The following NFIX variants were observed in gnomAD, a reference collection of about 807,000 sequenced individuals.
NFIX encodes the protein nuclear factor 1 X-type.
NFIX carries 2 observed loss-of-function variants against 53.3 expected under a neutral mutation model. That is an observed-to-expected ratio of 0.04 (90% CI 0.02 to 0.12). The LOEUF is 0.12. Among genes scored for constraint, NFIX ranks in the 10% least tolerant of loss-of-function variants. NFIX has a pLI of 1.00. For missense variants in NFIX, 310 were observed against 674.5 expected (o/e 0.46, Z 5.99); for synonymous variants, 244 against 289.0 (o/e 0.84, Z 1.58).
chr19:13,083,963 G>C lies in NFIX; in HGVS notation c.1254+2108G>C, dbSNP rs536774441. On this transcript the variant is annotated intron_variant, in intron 8 of 10. Transcript: ENST00000592199. Reference sequence around the variant, plus strand: ...CTTCTCAGACTTGGCATGCGCGAGAGTCAACTAGAGCCCTGGCTAACACAC... The same window carrying C: ...CTTCTCAGACTTGGCATGCGCGAGACTCAACTAGAGCCCTGGCTAACACAC... 1.1e-3 allele frequency among the ~76,000 whole-genome samples: 168 copies of C among 152,364 alleles called. 1 individual carries two copies. Among genetic ancestry groups the C allele is most frequent in the African/African-American group, 3.2e-3 (133 of 41,590 alleles).
chr19:13,018,098 T>G (rs2012762071), intron 1 of NFIX, among the ~76,000 whole-genome samples: 1 of 152,184 alleles, frequency 6.6e-6, no homozygotes, highest in Admixed American at 6.5e-5. Flanking sequence ...AAGAGTAGGA[T>G]TTTTGTTTCC....
At chr19:13,026,199 G>A (rs1433096139) in intron 2 of NFIX, among the ~76,000 whole-genome samples, 2 of 152,048 alleles carry the variant, frequency 1.3e-5, no homozygotes, top group Admixed American at 6.5e-5. Context: ...CATAGAGAGT[G>A]AAAACAAGGA....
At position 12,995,769 on chromosome 19, in the gene NFIX, C is replaced by G. The variant is rs1270738913; in HGVS notation, c.-69C>G. The G allele has an allele frequency of 2.9e-6, 2 of 700,104 alleles. No individual in the cohort carries two copies. Among genetic ancestry groups the G allele is most frequent in the South Asian group, 6.2e-5 (1 of 16,042 alleles). The allele number at this position is 700,104 out of a possible 1,614,324, so 43.4% of individuals were successfully genotyped here. ...AGCCGAGCCGGAGCCCGAGCCCGAG[C>G]GCGGCCGCCGCCTGCCGGGCCTCCC... is the stretch of plus-strand genomic sequence containing the variant. On this transcript the variant is annotated 5_prime_UTR_variant, in exon 1 of 11. Coordinates refer to ENST00000592199, the MANE Select transcript of NFIX (RefSeq NM_001365902.3).
At chr19:13,029,982 G>C (rs187331511) in intron 2 of NFIX, among the ~76,000 whole-genome samples, 1 of 152,160 alleles carries the variant, frequency 6.6e-6, no homozygotes, top group Non-Finnish European at 1.5e-5. Flanking sequence ...TGCCCAACCC[G>C]ACTGTTGGCT....
chr19:13,024,532 C>T, intron 1 of NFIX: 1 of 1,525,780 alleles, frequency 6.6e-7, no homozygotes, highest in Non-Finnish European at 8.8e-7. Flanking sequence ...TGTCGGGGAC[C>T]AGAGGCGGCC....
At chr19:13,026,258 A>G (rs1265506543) in intron 2 of NFIX, among the ~76,000 whole-genome samples, 1 of 152,086 alleles carries the variant, frequency 6.6e-6, no homozygotes, top group Non-Finnish European at 1.5e-5. Flanking sequence ...CTAAAGTGGC[A>G]AGGCCTCAGG....
intron 1 of NFIX, among the ~76,000 whole-genome samples, chr19:13,015,603 C>T (rs1426340519): frequency 6.6e-6 from 1 of 152,212 alleles, no homozygotes; most frequent in Non-Finnish European, 1.5e-5. Flanking sequence ...CTGAGGCCCC[C>T]CATTCCCTGC....
At chr19:13,059,447 T>TA (rs2015919401) in intron 2 of NFIX, among the ~76,000 whole-genome samples, 1 of 152,196 alleles carries the variant, frequency 6.6e-6, no homozygotes, top group Admixed American at 6.5e-5. Context: ...GGTTAGGGCC[T>TA]CCTGAGGAGG....
intron 1 of NFIX, among the ~76,000 whole-genome samples, chr19:12,999,856 G>C (rs1310785445): frequency 1.3e-5 from 2 of 152,350 alleles, no homozygotes; most frequent in African/African-American, 4.8e-5. Flanking sequence ...CTGGTGCCCT[G>C]TTTTCATGGC....
rs1429666669 is a variant in NFIX, at chr19:13,052,280, G to C, written c.560-20767G>C. Among the ~76,000 whole-genome samples the C allele has an allele frequency of 6.6e-6, 1 of 152,158 alleles. No individual in the cohort carries two copies. Among genetic ancestry groups the C allele is most frequent in the Non-Finnish European group, 1.5e-5 (1 of 68,024 alleles). ...TGCCTCTGCCAGCTGCTGCCTCTCT[G>C]AGATGTGCTCTTTTGTCTCCAGGAA... On this transcript the variant is annotated intron_variant, in intron 2 of 10. Coordinates refer to ENST00000592199, the MANE Select transcript of NFIX (RefSeq NM_001365902.3). This position sits in a 1 kb window ranked among gnomAD's most constrained non-coding sequence, Gnocchi z 5.2.
intron 2 of NFIX, chr19:13,070,507 G>T (rs1162334941): frequency 6.5e-6 from 1 of 152,690 alleles, no homozygotes; most frequent in Non-Finnish European, 1.5e-5. Flanking sequence ...GGCTGCAGCT[G>T]CCCCGGCCGC....
chr19:13,027,406 C>A lies in NFIX; in HGVS notation c.559+1854C>A, dbSNP rs2013452250. ...AAGCCAGATTTGGGAGGGTGTGTGCCTGGTAGTATTGGAGGTGACTGGTGG... is the reference window on the plus strand; with the variant it reads ...AAGCCAGATTTGGGAGGGTGTGTGCATGGTAGTATTGGAGGTGACTGGTGG... On this transcript the variant is annotated intron_variant, in intron 2 of 10. Transcript: ENST00000592199. The surrounding 1 kb of genome is among the most constrained non-coding windows in gnomAD (Gnocchi z 4.3). 6.6e-6 allele frequency among the ~76,000 whole-genome samples: 1 copy of A among 152,176 alleles called. No homozygotes were observed. The highest frequency in any genetic ancestry group is 2.1e-4 in the South Asian group (1 of 4,826).
At chr19:13,054,111 T>G (rs1021400879) in intron 2 of NFIX, among the ~76,000 whole-genome samples, 1 of 152,160 alleles carries the variant, frequency 6.6e-6, no homozygotes, top group African/African-American at 2.4e-5. Flanking sequence ...TCCCCTCTCC[T>G]GTCCTGCCCA....
At chr19:13,069,791 G>T (rs543641165) in intron 2 of NFIX, 1 of 152,328 alleles carries the variant, frequency 6.6e-6, no homozygotes, top group Non-Finnish European at 1.5e-5. Context: ...CAGGCAGAGT[G>T]TTTTTTCTCA....
rs546611563 is a variant in NFIX at position 13,041,052 on chromosome 19, C to T, written c.559+15500C>T. On this transcript the variant is annotated intron_variant, in intron 2 of 10. Coordinates refer to ENST00000592199, the MANE Select transcript of NFIX (RefSeq NM_001365902.3). ...CAGTGGAAAGGTAGCTAGAGGCCCA[C>T]CAGGCACCCGGTCTTGGTAGTGTCA... Among the ~76,000 whole-genome samples, 22 of 152,284 alleles carry T rather than the reference C, an allele frequency of 1.4e-4. No homozygotes were observed. In the East Asian group the frequency reaches 1.7e-3, roughly 12 times the overall value.
rs1462151230 is a variant in NFIX, at chr19:13,045,615, G to A, written c.559+20063G>A. Among the ~76,000 whole-genome samples, 1 of 152,164 alleles carries A rather than the reference G, an allele frequency of 6.6e-6. No individual in the cohort carries two copies. Among genetic ancestry groups the A allele is most frequent in the Non-Finnish European group, 1.5e-5 (1 of 68,014 alleles). On this transcript the variant is annotated intron_variant, in intron 2 of 10. Transcript: ENST00000592199. This position sits in a 1 kb window ranked among gnomAD's most constrained non-coding sequence, Gnocchi z 4.4. ...GCTGAGTCTGGAGACCTTGGCCCAC[G>A]GTGCTCAGCAGTCTGTTGCCAGGGA...
At position 13,027,461 on chromosome 19, in the gene NFIX, C is replaced by G. The variant is rs1434793774; in HGVS notation, c.559+1909C>G. Among the ~76,000 whole-genome samples, 1 of 152,116 alleles carries G rather than the reference C, an allele frequency of 6.6e-6. No individual in the cohort carries two copies. The highest frequency in any genetic ancestry group is 2.4e-5 in the African/African-American group (1 of 41,394). On this transcript the variant is annotated intron_variant, in intron 2 of 10. Transcript: ENST00000592199. This position sits in a 1 kb window ranked among gnomAD's most constrained non-coding sequence, Gnocchi z 4.3. ...CAGAAGGCTCGGAGCCTCGAGCTTA[C>G]CAGTGTGGCCATCAGATACTCCTGC... is the stretch of plus-strand genomic sequence containing the variant.
chr19:13,029,855 G>C (rs1006519802), intron 2 of NFIX, among the ~76,000 whole-genome samples: 1 of 152,216 alleles, frequency 6.6e-6, no homozygotes, highest in African/African-American at 2.4e-5. Flanking sequence ...TAGTTTTCAG[G>C]TCTGAGGGAG....
intron 2 of NFIX, among the ~76,000 whole-genome samples, chr19:13,059,068 A>G (rs2015892541): frequency 6.6e-6 from 1 of 152,170 alleles, no homozygotes; most frequent in Non-Finnish European, 1.5e-5. Context: ...GCACGTGCAC[A>G]CAAGCGCATA....
Sources: allele counts gnomAD v4.1 joint callset (sites outside exome capture counted in the v4.1 genomes callset), GRCh38; gene constraint gnomAD v4.1.1; non-coding constraint Gnocchi (gnomAD v3.1); transcripts MANE v1.5; gene names NCBI Gene and HGNC (gene_info 2026-07-23, HGNC 2026-07-21).